FGF1: variants seen among roughly 807,000 people sequenced by gnomAD.
FGF1 encodes the protein fibroblast growth factor 1.
Under a neutral mutation model 13.4 loss-of-function variants are expected in FGF1, and 9 were observed. The observed-to-expected ratio is 0.67, with a 90% confidence interval of 0.40 to 1.17. The LOEUF (loss-of-function observed/expected upper bound fraction) is 1.17. Among genes scored for constraint, FGF1 ranks in the 50% most tolerant of loss-of-function variants. The pLI is 0.01. For missense variants in FGF1, 156 were observed against 192.7 expected, an observed-to-expected ratio of 0.81 and a Z score of 1.13; for synonymous variants, 93 against 79.0, an observed-to-expected ratio of 1.18 and a Z score of -0.94.
chr5:142,605,650 G>A (rs1033586272), intron 2 of FGF1, among the ~76,000 whole-genome samples: 3 of 152,222 alleles, frequency 2.0e-5, no homozygotes, highest in Non-Finnish European at 4.4e-5. Context: ...TTGTTGTGCC[G>A]GTGAGAGTTC....
intron 1 of FGF1, among the ~76,000 whole-genome samples, chr5:142,645,665 G>A (rs890101759): frequency 1.3e-5 from 2 of 152,096 alleles, no homozygotes; most frequent in Non-Finnish European, 2.9e-5. Flanking sequence ...CATTCAGTAG[G>A]GTGACAGCTG....
At chr5:142,640,031 G>A (rs17099156) in intron 1 of FGF1, among the ~76,000 whole-genome samples, 38,678 of 151,690 alleles carry the variant, frequency 0.25, 6,570 homozygotes, top group African/African-American at 0.47. Context: ...TAATTTGTCA[G>A]TTGCCATACT....
At chr5:142,646,339 G>A (rs1766104896) in intron 1 of FGF1, among the ~76,000 whole-genome samples, 1 of 149,528 alleles carries the variant, frequency 6.7e-6, no homozygotes, top group African/African-American at 2.5e-5. Flanking sequence ...GATTACAGGT[G>A]CCTGCCACCG....
At chr5:142,639,825 A>G (rs1243220288) in intron 1 of FGF1, among the ~76,000 whole-genome samples, 2 of 152,008 alleles carry the variant, frequency 1.3e-5, no homozygotes, top group Non-Finnish European at 2.9e-5. Context: ...AAAACATCAC[A>G]TCATATTCCC....
intron 1 of FGF1, among the ~76,000 whole-genome samples, chr5:142,633,950 C>T (rs935658064): frequency 2.6e-5 from 4 of 151,186 alleles, no homozygotes; most frequent in Non-Finnish European, 5.9e-5. Context: ...TTTGGGAGGC[C>T]GAGACGGGCG....
chr5:142,601,361 C>T (rs1474483823), intron 2 of FGF1, among the ~76,000 whole-genome samples: 2 of 152,154 alleles, frequency 1.3e-5, no homozygotes, highest in South Asian at 2.1e-4. Context: ...AGAAGAGGTT[C>T]CCAGGGAGTT....
chr5:142,612,457 C>T (rs1323410080), intron 2 of FGF1, among the ~76,000 whole-genome samples: 10 of 152,050 alleles, frequency 6.6e-5, no homozygotes, highest in Non-Finnish European at 1.5e-5. Context: ...TTGGTTAAGA[C>T]GTATTAGGAA....
chr5:142,660,479 C>T (rs528795289), intron 1 of FGF1, among the ~76,000 whole-genome samples: 2 of 152,346 alleles, frequency 1.3e-5, no homozygotes, highest in South Asian at 2.1e-4. Context: ...CTTCCCTGCC[C>T]AGGAGGTCTG....
chr5:142,595,623 C>T (rs1755094517), intron 3 of FGF1, 139 bp from the exon 4 acceptor site: 2 of 678,882 alleles, frequency 2.9e-6, no homozygotes, highest in Non-Finnish European at 5.0e-6. Context: ...AAATTGGGGT[C>T]ATGGTGGAAC....
chr5:142,651,440 C>A (rs1367977714), intron 1 of FGF1, among the ~76,000 whole-genome samples: 1 of 152,200 alleles, frequency 6.6e-6, no homozygotes, highest in African/African-American at 2.4e-5. Context: ...AAACAGCACT[C>A]CCCACCAACC....
At chr5:142,604,323 C>T (rs909165441) in intron 2 of FGF1, among the ~76,000 whole-genome samples, 3 of 152,002 alleles carry the variant, frequency 2.0e-5, no homozygotes, top group Non-Finnish European at 4.4e-5. Flanking sequence ...TTTCAGAGAA[C>T]CTTCACATAT....
At chr5:142,605,474 T>G (rs1178017837) in intron 2 of FGF1, among the ~76,000 whole-genome samples, 1 of 152,164 alleles carries the variant, frequency 6.6e-6, no homozygotes, top group African/African-American at 2.4e-5. Context: ...TCTGTTTTGC[T>G]GCCTTCAATA....
chr5:142,598,705 A>G (rs912712778), intron 3 of FGF1, among the ~76,000 whole-genome samples: 6 of 152,224 alleles, frequency 3.9e-5, no homozygotes, highest in Non-Finnish European at 8.8e-5. Flanking sequence ...GAGCTTTGAG[A>G]TATCTTAGAA....
intron 1 of FGF1, among the ~76,000 whole-genome samples, chr5:142,647,982 G>A (rs183448409): frequency 2.1e-3 from 313 of 152,256 alleles, no homozygotes; most frequent in Non-Finnish European, 3.2e-3. Flanking sequence ...CTACTTGCGA[G>A]GCTGAAGCAG....
At position 142,599,491 on chromosome 5, in the gene FGF1, A is replaced by C. The variant is rs17223814; in HGVS notation, c.273+1211T>G. Among the ~76,000 whole-genome samples the C allele has an allele frequency of 1.0e-2, 1,521 of 152,220 alleles. 28 individuals carry two copies. The highest frequency in any genetic ancestry group is 0.035 in the African/African-American group (1,454 of 41,530). On this transcript the variant is annotated intron_variant, in intron 3 of 3. Transcript: ENST00000337706. ...CTCCAGACTAAAATTCCCCCTACTGACTGTCTTTTTGAAGACATCTTCATA... is the reference window on the plus strand; with the variant it reads ...CTCCAGACTAAAATTCCCCCTACTGCCTGTCTTTTTGAAGACATCTTCATA...
chr5:142,601,194 C>A (rs971076890), intron 2 of FGF1: 6 of 479,848 alleles, frequency 1.3e-5, no homozygotes, highest in Non-Finnish European at 1.7e-5. Context: ...TCTTGGGATG[C>A]CATAGAGTAG....
chr5:142,607,458 T>C (rs1243454199), intron 2 of FGF1, among the ~76,000 whole-genome samples: 2 of 152,188 alleles, frequency 1.3e-5, no homozygotes, highest in East Asian at 3.9e-4. Context: ...CCATGGTCTG[T>C]AGGGTACTTC....
intron 2 of FGF1, among the ~76,000 whole-genome samples, chr5:142,604,847 A>G (rs780015430): frequency 1.3e-5 from 2 of 152,140 alleles, no homozygotes; most frequent in Non-Finnish European, 2.9e-5. Context: ...GGCTCCAATT[A>G]TGGGAATGGA....
intron 1 of FGF1, among the ~76,000 whole-genome samples, chr5:142,624,907 C>T (rs1762211629): frequency 1.3e-5 from 2 of 152,206 alleles, no homozygotes; most frequent in Non-Finnish European, 1.5e-5. Flanking sequence ...TCTATTTGTT[C>T]TGCATTGTGT....
Sources: gnomAD v4.1 joint callset for allele counts (sites outside exome capture counted in the v4.1 genomes callset) on GRCh38, gnomAD v4.1.1 for gene constraint, MANE v1.5 for transcripts, NCBI Gene and HGNC (gene_info 2026-07-23, HGNC 2026-07-21) for gene names.